Variants in ADCY2 observed in about 807,000 individuals in gnomAD.
ADCY2 encodes adenylate cyclase 2, also known as adenylate cyclase type 2.
A neutral mutation model predicts 125.2 loss-of-function variants in ADCY2; 31 were observed. That is an observed-to-expected ratio of 0.25 (90% CI 0.19 to 0.33). The LOEUF (loss-of-function observed/expected upper bound fraction) is 0.33. Among genes scored for constraint, ADCY2 ranks in the 10% least tolerant of loss-of-function variants. The probability of loss-of-function intolerance (pLI) is 1.00; values close to 1 mark genes in which losing one functional copy is unlikely to be tolerated. For missense variants in ADCY2, 904 were observed against 1,418.2 expected, an observed-to-expected ratio of 0.64 and a Z score of 5.82; for synonymous variants, 512 against 548.4, an observed-to-expected ratio of 0.93 and a Z score of 0.93.
chr5:7,815,865 C>T (rs184418284), intron 22 of ADCY2, among the ~76,000 whole-genome samples: 1 of 152,306 alleles, frequency 6.6e-6, no homozygotes, highest in Non-Finnish European at 1.5e-5. Flanking sequence ...ACTTAAACCA[C>T]AGAAGTTAAT....
At chr5:7,472,676 C>A (rs1209594200) in intron 2 of ADCY2, among the ~76,000 whole-genome samples, 1 of 152,104 alleles carries the variant, frequency 6.6e-6, no homozygotes, top group African/African-American at 2.4e-5. Context: ...GCATACCTCT[C>A]CTTTAGCTAG....
intron 2 of ADCY2, among the ~76,000 whole-genome samples, chr5:7,447,712 G>T (rs953785552): frequency 7.9e-5 from 12 of 152,208 alleles, no homozygotes; most frequent in Non-Finnish European, 1.5e-5. Flanking sequence ...TCAGCACAGT[G>T]GGGAGCTGGA....
At chr5:7,812,009 G>T (rs1364345354) in intron 22 of ADCY2, among the ~76,000 whole-genome samples, 1 of 152,194 alleles carries the variant, frequency 6.6e-6, no homozygotes, top group East Asian at 1.9e-4. Flanking sequence ...TGAACCGGGA[G>T]TACAAACAGC....
chr5:7,795,328 G>A (rs1744386688), intron 20 of ADCY2: 1 of 152,252 alleles, frequency 6.6e-6, no homozygotes, highest in Admixed American at 6.5e-5. Flanking sequence ...CTGCCCCTGG[G>A]AATTGATCAA....
chr5:7,428,974 T>C (rs1334733694), intron 2 of ADCY2, among the ~76,000 whole-genome samples: 2 of 151,664 alleles, frequency 1.3e-5, no homozygotes, highest in African/African-American at 4.9e-5. Flanking sequence ...GGTGCTGAAA[T>C]TCTCAGGATG....
intron 19 of ADCY2, among the ~76,000 whole-genome samples, chr5:7,785,551 G>T (rs148239324): frequency 1.1e-3 from 170 of 150,514 alleles, no homozygotes; most frequent in African/African-American, 4.0e-3. Context: ...ACCATATCCG[G>T]TTCTTTTTCC....
At chr5:7,727,118 CTT>C in intron 13 of ADCY2, 44 bp from the exon 14 acceptor site, 1 of 1,457,320 alleles carries the variant, frequency 6.9e-7, no homozygotes, top group Admixed American at 1.7e-5. Flanking sequence ...GTGTGCAGCT[CTT>C]CTCTTGGAGA....
intron 3 of ADCY2, among the ~76,000 whole-genome samples, chr5:7,576,992 A>G (rs978681643): frequency 6.6e-6 from 1 of 152,228 alleles, no homozygotes; most frequent in Non-Finnish European, 1.5e-5. Context: ...TGCTTAATGT[A>G]TATCTTAATT....
At chr5:7,541,290 T>C (rs1174955908) in intron 3 of ADCY2, among the ~76,000 whole-genome samples, 1 of 152,206 alleles carries the variant, frequency 6.6e-6, no homozygotes, top group Non-Finnish European at 1.5e-5. Flanking sequence ...ACTGGCAGCA[T>C]GAGAAGTGCC....
At chr5:7,578,181 A>T (rs1736311552) in intron 3 of ADCY2, among the ~76,000 whole-genome samples, 2 of 152,206 alleles carry the variant, frequency 1.3e-5, no homozygotes, top group African/African-American at 4.8e-5. Context: ...AGATACATGA[A>T]AGGAGAATGC....
At chr5:7,493,067 C>T (rs181361480) in intron 2 of ADCY2, among the ~76,000 whole-genome samples, 1 of 152,154 alleles carries the variant, frequency 6.6e-6, no homozygotes, top group East Asian at 1.9e-4. Flanking sequence ...CTCAGTGTCT[C>T]AGGGCAGTGG....
chr5:7,814,992 C>T (rs1304347715), intron 22 of ADCY2, among the ~76,000 whole-genome samples: 1 of 152,162 alleles, frequency 6.6e-6, no homozygotes, highest in Non-Finnish European at 1.5e-5. Context: ...GCCAGCTCAA[C>T]CCTCTGGTAT....
At chr5:7,584,598 C>T (rs1394924526) in intron 3 of ADCY2, among the ~76,000 whole-genome samples, 4 of 152,014 alleles carry the variant, frequency 2.6e-5, no homozygotes, top group South Asian at 2.1e-4. Context: ...AATGCCATGA[C>T]GAACAACCGA....
rs190866313 is a variant in ADCY2, at chr5:7,477,999, T to G, written c.409-42739T>G. Among the ~76,000 whole-genome samples the G allele has an allele frequency of 7.9e-5, 12 of 152,330 alleles. No homozygotes were observed. In the East Asian group the frequency reaches 2.3e-3, roughly 29 times the overall value. The stretch of plus-strand genomic sequence containing the variant: ...TTAACCCACATGGTGTCTGGAAGAT[T>G]TAAAATAACCGGAAAGATTTTCTTG... On this transcript the variant is annotated intron_variant, in intron 2 of 24. Coordinates refer to ENST00000338316, the MANE Select transcript of ADCY2 (RefSeq NM_020546.3).
chr5:7,765,757 A>G (rs980343398), intron 16 of ADCY2, among the ~76,000 whole-genome samples: 4 of 152,190 alleles, frequency 2.6e-5, no homozygotes, highest in Non-Finnish European at 5.9e-5. Flanking sequence ...CAGAAAACAC[A>G]AGCTGTTTAA....
intron 24 of ADCY2, among the ~76,000 whole-genome samples, chr5:7,825,988 G>A (rs1298895218): frequency 6.6e-6 from 1 of 152,246 alleles, no homozygotes; most frequent in Non-Finnish European, 1.5e-5. Context: ...CAGGAAATAA[G>A]TGGTCCTGTC....
chr5:7,777,907 G>A (rs551286273), intron 18 of ADCY2, among the ~76,000 whole-genome samples: 1 of 152,324 alleles, frequency 6.6e-6, no homozygotes, highest in African/African-American at 2.4e-5. Flanking sequence ...TTAGGAAGGA[G>A]GTCAGGAGTG....
Position 7,802,941 on chromosome 5 carries a change from A to G in ADCY2, c.2775+577A>G, listed in dbSNP as rs1199347895. ...ACAAACGCCCCTCTGGTTTAAGGAT[A>G]TTGCAGCCACACTATTCTTATCACT... is the stretch of plus-strand genomic sequence containing the variant. On this transcript the variant is annotated intron_variant, in intron 21 of 24. Transcript: ENST00000338316. The surrounding 1 kb of genome is among the most constrained non-coding windows in gnomAD (Gnocchi z 4.6). Among the ~76,000 whole-genome samples the G allele has an allele frequency of 6.6e-6, 1 of 152,226 alleles. No homozygotes were observed. The highest frequency in any genetic ancestry group is 1.5e-5 in the Non-Finnish European group (1 of 68,038).
At chr5:7,596,615 CT>C (rs1737014236) in intron 3 of ADCY2, among the ~76,000 whole-genome samples, 1 of 152,134 alleles carries the variant, frequency 6.6e-6, no homozygotes, top group Non-Finnish European at 1.5e-5. Flanking sequence ...CACCTCACAC[CT>C]TTTTCCTCAC....
Sources: allele counts gnomAD v4.1 joint callset (sites outside exome capture counted in the v4.1 genomes callset), GRCh38; gene constraint gnomAD v4.1.1; non-coding constraint Gnocchi (gnomAD v3.1); transcripts MANE v1.5; gene names NCBI Gene and HGNC (gene_info 2026-07-23, HGNC 2026-07-21).